The following ARNT2 variants were observed in gnomAD, a reference collection of about 807,000 sequenced individuals.
ARNT2 encodes aryl hydrocarbon receptor nuclear translocator 2.
ARNT2 carries 36 observed loss-of-function variants against 91.7 expected under a neutral mutation model. The observed-to-expected ratio is 0.39, with a 90% CI of 0.30 to 0.52. The LOEUF (loss-of-function observed/expected upper bound fraction) is 0.52, where lower values mean the gene tolerates loss of function less well. Ranked by LOEUF, ARNT2 falls within the 20% of genes least tolerant of loss-of-function variation. The pLI, the probability that ARNT2 is intolerant of heterozygous loss-of-function variation, is 0.72. For synonymous variants in ARNT2, 365 were observed against 347.1 expected, an observed-to-expected ratio of 1.05 and a Z score of -0.57; for missense variants, 775 against 939.3, an observed-to-expected ratio of 0.83 and a Z score of 2.29.
At chr15:80,512,607 T>C (rs117694348) in intron 6 of ARNT2, among the ~76,000 whole-genome samples, 1,871 of 152,346 alleles carry the variant, frequency 0.012, 22 homozygotes, top group Non-Finnish European at 0.02. Flanking sequence ...TGTCCTGCAG[T>C]GCTTCTGTGA....
intron 1 of ARNT2, among the ~76,000 whole-genome samples, chr15:80,449,590 G>GGACAT (rs1896357547): frequency 6.6e-6 from 1 of 152,084 alleles, no homozygotes; most frequent in Admixed American, 6.5e-5. Flanking sequence ...CAAGTTTTGT[G>GGACAT]GACATAGCAA....
intron 3 of ARNT2, among the ~76,000 whole-genome samples, chr15:80,465,330 C>T (rs565991538): frequency 1.4e-4 from 21 of 152,166 alleles, no homozygotes; most frequent in Non-Finnish European, 2.4e-4. Context: ...AGAGTGGCAG[C>T]TGCTTGGTGA....
chr15:80,569,029 C>T (rs1055625696), intron 12 of ARNT2, among the ~76,000 whole-genome samples: 1 of 152,228 alleles, frequency 6.6e-6, no homozygotes, highest in African/African-American at 2.4e-5. Flanking sequence ...ACAAGTATTT[C>T]GAGTCCTTCA....
chr15:80,411,782 C>T (rs1895683563), intron 1 of ARNT2, among the ~76,000 whole-genome samples: 1 of 151,882 alleles, frequency 6.6e-6, no homozygotes, highest in South Asian at 2.1e-4. Flanking sequence ...GGAGGTCCTA[C>T]ACCTACCTGA....
intron 5 of ARNT2, among the ~76,000 whole-genome samples, chr15:80,497,448 A>G (rs987189157): frequency 6.6e-6 from 1 of 152,264 alleles, no homozygotes. Context: ...ACCTGACCTG[A>G]CAACTGCAAG....
chr15:80,583,001 A>G (rs1898826975), intron 17 of ARNT2, among the ~76,000 whole-genome samples: 1 of 152,176 alleles, frequency 6.6e-6, no homozygotes, highest in South Asian at 2.1e-4. Context: ...CCGGAAGCCC[A>G]GGGACCATCT....
intron 8 of ARNT2, among the ~76,000 whole-genome samples, chr15:80,526,715 C>T (rs1386147400): frequency 2.0e-5 from 3 of 152,182 alleles, no homozygotes; most frequent in Admixed American, 6.5e-5. Flanking sequence ...TTTCAGTAAG[C>T]CTTGGCCACA....
At chr15:80,410,965 G>A (rs1346664711) in intron 1 of ARNT2, among the ~76,000 whole-genome samples, 1 of 152,036 alleles carries the variant, frequency 6.6e-6, no homozygotes, top group Non-Finnish European at 1.5e-5. Flanking sequence ...TTTTAGCCAA[G>A]CTCCTTTCCA....
chr15:80,513,059 T>A (rs891658703), intron 6 of ARNT2, among the ~76,000 whole-genome samples: 2 of 152,180 alleles, frequency 1.3e-5, no homozygotes, highest in Non-Finnish European at 2.9e-5. Context: ...CTGTCTAAGG[T>A]CTCAGAGTAT....
At chr15:80,462,935 C>G (rs1403837308) in intron 3 of ARNT2, among the ~76,000 whole-genome samples, 1 of 152,100 alleles carries the variant, frequency 6.6e-6, no homozygotes, top group Non-Finnish European at 1.5e-5. Flanking sequence ...AGGCATTTTC[C>G]CCCCTGGCTT....
intron 1 of ARNT2, among the ~76,000 whole-genome samples, chr15:80,417,893 A>G (rs1351260126): frequency 2.0e-5 from 3 of 152,186 alleles, no homozygotes; most frequent in African/African-American, 7.2e-5. Context: ...CTGGTGGACC[A>G]GGGGACCGTA....
At chr15:80,511,800 C>A (rs1275161516) in intron 6 of ARNT2, among the ~76,000 whole-genome samples, 2 of 151,710 alleles carry the variant, frequency 1.3e-5, no homozygotes, top group Non-Finnish European at 2.9e-5. Flanking sequence ...AGCAGAGAGG[C>A]AGGTGGGAGG....
intron 8 of ARNT2, among the ~76,000 whole-genome samples, chr15:80,549,809 T>C (rs1025580297): frequency 1.3e-5 from 2 of 152,168 alleles, no homozygotes; most frequent in African/African-American, 4.8e-5. Context: ...CAAAACTACA[T>C]ATGCACTTAC....
intron 3 of ARNT2, among the ~76,000 whole-genome samples, chr15:80,468,516 T>A (rs1896689605): frequency 6.6e-6 from 1 of 152,106 alleles, no homozygotes; most frequent in South Asian, 2.1e-4. Context: ...AGGCCTTTAT[T>A]TGATCCTGCT....
In ARNT2 at chr15:80,593,964, C is replaced by T; in HGVS notation, c.*266C>T. 2 of 432,368 alleles carry T rather than the reference C, an allele frequency of 4.6e-6. No individual in the cohort carries two copies. Among genetic ancestry groups the T allele is most frequent in the Non-Finnish European group, 8.3e-6 (2 of 241,088 alleles). 26.8% of individuals were successfully genotyped at this position (432,368 alleles called of 1,614,324 possible). A position where few individuals can be genotyped will look rare whatever the true frequency, so the allele number is the denominator to read the frequency against. ...TATCTGTGTGTGCTCAGGAGGTGAG[C>T]CTAGTGGGTCCTTAAGTTTGGTTGT... On this transcript the variant is annotated 3_prime_UTR_variant, in exon 19 of 19. Transcript: ENST00000303329.
rs142218578 is a variant in ARNT2, at chr15:80,470,478, C to T, written c.408+47C>T. On this transcript the variant is annotated intron_variant, in intron 4 of 18. Transcript: ENST00000303329. ...CATTGGAAAGCGGGGGGAATCCCAGCGTCACCAAGACGAAATAAACTACGT... is the reference window on the plus strand; with the variant it reads ...CATTGGAAAGCGGGGGGAATCCCAGTGTCACCAAGACGAAATAAACTACGT... The T allele has an allele frequency of 5.2e-4, 830 of 1,589,060 alleles. 2 individuals carry two copies. Among genetic ancestry groups the T allele is most frequent in the Middle Eastern group, 2.1e-3 (12 of 5,636 alleles).
intron 1 of ARNT2, among the ~76,000 whole-genome samples, chr15:80,425,491 T>C (rs1318031315): frequency 6.6e-6 from 1 of 152,222 alleles, no homozygotes; most frequent in African/African-American, 2.4e-5. Flanking sequence ...GCAGACTGAA[T>C]GTTCAACCCA....
At chr15:80,446,451 C>T (rs975022272) in intron 1 of ARNT2, among the ~76,000 whole-genome samples, 7 of 152,136 alleles carry the variant, frequency 4.6e-5, no homozygotes, top group Admixed American at 1.3e-4. Flanking sequence ...ACGTGCCATA[C>T]AACTTTCATC....
chr15:80,570,761 C>T (rs956132339), intron 12 of ARNT2, among the ~76,000 whole-genome samples: 12 of 148,322 alleles, frequency 8.1e-5, no homozygotes, highest in South Asian at 2.1e-4. Flanking sequence ...TGCTTGCCCA[C>T]GCCTGTCTTT....
Sources: allele counts gnomAD v4.1 joint callset (sites outside exome capture counted in the v4.1 genomes callset), GRCh38; gene constraint gnomAD v4.1.1; transcripts MANE v1.5; gene names NCBI Gene and HGNC (gene_info 2026-07-23, HGNC 2026-07-21).